RB1: variants seen among roughly 807,000 people sequenced by gnomAD.
RB1 encodes the protein RB transcriptional corepressor 1.
A neutral mutation model predicts 135.4 loss-of-function variants in RB1; 18 were observed. That is an observed-to-expected ratio of 0.13 (90% CI 0.09 to 0.20). The LOEUF is 0.20. RB1 is among the 10% of genes least tolerant of loss of function. The probability of loss-of-function intolerance (pLI) is 1.00; values close to 1 mark genes in which losing one functional copy is unlikely to be tolerated. For synonymous variants in RB1, 365 were observed against 373.2 expected (o/e 0.98, Z 0.25); for missense variants, 868 against 1,110.0 (o/e 0.78, Z 3.10).
chr13:48,448,706 A>G lies in RB1; in HGVS notation c.1696-4287A>G, dbSNP rs151258831. On this transcript the variant is annotated intron_variant, in intron 17 of 26. Transcript: ENST00000267163. ...GAAAGCGCATCTTTAACACATTCAT[A>G]CATACATCCAAGAAATTCAAATAAA... is the stretch of plus-strand genomic sequence containing the variant. 4.4e-3 allele frequency among the ~76,000 whole-genome samples: 675 copies of G among 152,334 alleles called. 28 individuals carry two copies. Among genetic ancestry groups the G allele is most frequent in the Admixed American group, 0.039 (596 of 15,304 alleles).
intron 6 of RB1, 80 bp from the exon 7 acceptor site, chr13:48,359,937 A>G: frequency 1.9e-6 from 3 of 1,570,010 alleles, no homozygotes; most frequent in Middle Eastern, 2.2e-4. Context: ...AAATTTATGG[A>G]TATACTCTAC....
chr13:48,391,895 C>T (rs979792491), intron 17 of RB1, among the ~76,000 whole-genome samples: 1 of 152,100 alleles, frequency 6.6e-6, no homozygotes, highest in Non-Finnish European at 1.5e-5. Flanking sequence ...GCTGGGATTA[C>T]TGGCATGAGC....
chr13:48,372,209 A>T (rs1440565049), intron 11 of RB1, among the ~76,000 whole-genome samples: 3 of 152,188 alleles, frequency 2.0e-5, no homozygotes, highest in Non-Finnish European at 4.4e-5. Context: ...AAGAGCAAGT[A>T]TTTCTCTAAC....
chr13:48,354,624 G>A (rs977964314), intron 6 of RB1, among the ~76,000 whole-genome samples: 1 of 151,758 alleles, frequency 6.6e-6, no homozygotes, highest in African/African-American at 2.4e-5. Context: ...CCAGAATAGC[G>A]AAAACTATCC....
intron 6 of RB1, among the ~76,000 whole-genome samples, chr13:48,355,176 C>G (rs991044849): frequency 1.1e-4 from 16 of 151,202 alleles, no homozygotes; most frequent in African/African-American, 3.9e-4. Context: ...CTCTGACAAG[C>G]AATTAATAAC....
At chr13:48,453,885 G>A (rs959419726) in intron 18 of RB1, among the ~76,000 whole-genome samples, 4 of 152,156 alleles carry the variant, frequency 2.6e-5, no homozygotes, top group Admixed American at 6.5e-5. Context: ...GTCTGTGGAG[G>A]TATTTAACCT....
At chr13:48,331,861 T>A in intron 2 of RB1, among the ~76,000 whole-genome samples, 1 of 152,194 alleles carries the variant, frequency 6.6e-6, no homozygotes, top group Admixed American at 6.5e-5. Context: ...TGTCATTAGA[T>A]GTATAGATAA....
chr13:48,321,739 C>G (rs1952243644), intron 2 of RB1, among the ~76,000 whole-genome samples: 1 of 151,986 alleles, frequency 6.6e-6, no homozygotes, highest in South Asian at 2.1e-4. Flanking sequence ...GCCTGTAATC[C>G]CAGCTACTCT....
chr13:48,390,958 A>T (rs1407795571), intron 17 of RB1, among the ~76,000 whole-genome samples: 3 of 152,144 alleles, frequency 2.0e-5, no homozygotes, highest in Non-Finnish European at 4.4e-5. Flanking sequence ...TTTAAATTTA[A>T]TGTGACTATT....
At chr13:48,399,373 TC>T (rs1409096547) in intron 17 of RB1, among the ~76,000 whole-genome samples, 1 of 152,044 alleles carries the variant, frequency 6.6e-6, no homozygotes, top group Non-Finnish European at 1.5e-5. Flanking sequence ...ACATTATTTT[TC>T]TGCTAGTGAA....
chr13:48,325,303 T>C (rs1299283703), intron 2 of RB1, among the ~76,000 whole-genome samples: 1 of 152,184 alleles, frequency 6.6e-6, no homozygotes, highest in Non-Finnish European at 1.5e-5. Flanking sequence ...CTGAAAAACA[T>C]TGCTCTTTTT....
At chr13:48,364,765 A>G (rs1452398002) in intron 8 of RB1, 129 bp from the exon 9 acceptor site, 6 of 1,077,726 alleles carry the variant, frequency 5.6e-6, no homozygotes, top group Non-Finnish European at 7.6e-6. Context: ...AAAAAATAAA[A>G]AAGTTATACA....
In RB1 at chr13:48,324,176, A is replaced by C. The variant is rs956630457; in HGVS notation, c.264+16770A>C. On this transcript the variant is annotated intron_variant, in intron 2 of 26. Transcript: ENST00000267163. ...TGGTAGTTGGAGTATCCATCATCTTAAGCTTTTATCATTTATTTGTGTTAG... is the reference window on the plus strand; with the variant it reads ...TGGTAGTTGGAGTATCCATCATCTTCAGCTTTTATCATTTATTTGTGTTAG... 1.1e-4 allele frequency among the ~76,000 whole-genome samples: 16 copies of C among 152,184 alleles called. 1 individual carries two copies. The highest frequency in any genetic ancestry group is 1.0e-3 in the Admixed American group (16 of 15,294).
At chr13:48,337,389 ATAGT>A (rs1199461078) in intron 2 of RB1, among the ~76,000 whole-genome samples, 3 of 152,270 alleles carry the variant, frequency 2.0e-5, no homozygotes, top group African/African-American at 4.8e-5. Context: ...TATATTTAGG[ATAGT>A]TAGTTCTTCT....
chr13:48,304,144 G>T (rs1952056556), intron 1 of RB1, 95 bp downstream of exon 1: 3 of 1,271,214 alleles, frequency 2.4e-6, no homozygotes, highest in South Asian at 2.4e-5. Flanking sequence ...ATCCGTCCTC[G>T]CCAGGGGCCG....
At chr13:48,465,850 C>T (rs1185002559) in intron 23 of RB1, among the ~76,000 whole-genome samples, 3 of 150,978 alleles carry the variant, frequency 2.0e-5, no homozygotes, top group Non-Finnish European at 4.4e-5. Context: ...CTTTTCAGAC[C>T]GGCTTAAGAA....
At chr13:48,442,454 A>G (rs1197884947) in intron 17 of RB1, among the ~76,000 whole-genome samples, 1 of 152,154 alleles carries the variant, frequency 6.6e-6, no homozygotes, top group Non-Finnish European at 1.5e-5. Context: ...GCAAATATTC[A>G]TCATAGATAT....
At position 48,362,860 on chromosome 13, in the gene RB1, G is replaced by A. The variant is rs746954896; in HGVS notation, c.764G>A (p.Arg255Gln). 2 of 1,613,842 alleles carry A rather than the reference G, an allele frequency of 1.2e-6. No individual in the cohort carries two copies. Among genetic ancestry groups the A allele is most frequent in the Non-Finnish European group, 1.7e-6 (2 of 1,179,882 alleles). The change falls in exon 8 of 27, where the codon CGA becomes CAA. Residue 255 changes from arginine (R) to glutamine (Q), a missense_variant. This residue lies in a region of RB1 where 641 missense variants were observed against 791.3 expected (regional missense o/e 0.81). Transcript: ENST00000267163. ...PINGSPRTPR[R>Q]GQNRSARIAK... ...AATGGTTCACCTCGAACACCCAGGC[G>A]AGGTCAGAACAGGAGTGCACGGATA...
At chr13:48,308,188 A>G (rs531637100) in intron 2 of RB1, among the ~76,000 whole-genome samples, 2 of 151,682 alleles carry the variant, frequency 1.3e-5, no homozygotes, top group South Asian at 4.2e-4. Flanking sequence ...GGGCAATAGT[A>G]TAAGAATTTT....
Sources: allele counts gnomAD v4.1 joint callset (sites outside exome capture counted in the v4.1 genomes callset), GRCh38; gene constraint gnomAD v4.1.1; regional missense constraint gnomAD v4.1.1; transcripts MANE v1.5; gene names NCBI Gene and HGNC (gene_info 2026-07-23, HGNC 2026-07-21).